The following ANK2 variants were observed in gnomAD, a reference collection of about 807,000 sequenced individuals.
ANK2 encodes the protein ankyrin-2.
ANK2 carries 83 observed loss-of-function variants against 360.5 expected under a neutral mutation model. The ratio of observed to expected loss-of-function variants is 0.23; its 90% CI spans 0.19 to 0.28. The LOEUF (loss-of-function observed/expected upper bound fraction) is 0.28. ANK2 is among the 10% of genes least tolerant of loss of function. The probability of loss-of-function intolerance (pLI) is 1.00; values close to 1 mark genes in which losing one functional copy is unlikely to be tolerated. For synonymous variants in ANK2, 1,740 were observed against 1,759.5 expected (o/e 0.99, Z 0.28); for missense variants, 4,201 against 4,795.7 (o/e 0.88, Z 3.66).
At chr4:113,305,125 G>T (rs1050433109) in intron 23 of ANK2, among the ~76,000 whole-genome samples, 1 of 151,636 alleles carries the variant, frequency 6.6e-6, no homozygotes, top group Admixed American at 6.6e-5. Context: ...CGGATCACGA[G>T]GTCAGGAGAT....
chr4:112,939,356 C>G (rs1342348067), intron 2 of ANK2, among the ~76,000 whole-genome samples: 1 of 152,176 alleles, frequency 6.6e-6, no homozygotes, highest in Non-Finnish European at 1.5e-5. Flanking sequence ...GTTGCCCAGG[C>G]TGGAGTGCAG....
intron 1 of ANK2, among the ~76,000 whole-genome samples, chr4:113,162,765 T>A (rs115261168): frequency 6.6e-6 from 1 of 150,846 alleles, no homozygotes; most frequent in Admixed American, 6.6e-5. Flanking sequence ...CTTCAAAGAT[T>A]ATAAAATCTT....
intron 1 of ANK2, among the ~76,000 whole-genome samples, chr4:112,845,714 G>C (rs2063143317): frequency 6.6e-6 from 1 of 152,198 alleles, no homozygotes; most frequent in African/African-American, 2.4e-5. Flanking sequence ...TTGCCATCAT[G>C]TAATAGAGGC....
the ANK2 span, among the ~76,000 whole-genome samples, chr4:112,706,159 C>T: frequency 6.6e-6 from 1 of 151,736 alleles, no homozygotes; most frequent in African/African-American, 2.4e-5. Flanking sequence ...GCTTCTCCCA[C>T]CTCCCCGGCC....
At chr4:113,375,537 A>G (rs2096893834) in intron 45 of ANK2, among the ~76,000 whole-genome samples, 5 of 152,050 alleles carry the variant, frequency 3.3e-5, no homozygotes, top group Admixed American at 3.3e-4. Context: ...CATCCTGGCT[A>G]ACACGGTGAA....
chr4:113,233,291 C>T (rs904222250), intron 5 of ANK2, among the ~76,000 whole-genome samples: 1 of 149,734 alleles, frequency 6.7e-6, no homozygotes, highest in Non-Finnish European at 1.5e-5. Flanking sequence ...CCCGCCACTA[C>T]GCCCGGCTAA....
intron 4 of ANK2, among the ~76,000 whole-genome samples, chr4:113,213,540 T>C (rs1440682183): frequency 1.3e-5 from 2 of 152,194 alleles, no homozygotes; most frequent in African/African-American, 4.8e-5. Flanking sequence ...TGTTCCCCTA[T>C]AATATAAATC....
At chr4:112,726,490 A>AC in the ANK2 span, among the ~76,000 whole-genome samples, 5 of 150,502 alleles carry the variant, frequency 3.3e-5, no homozygotes, top group African/African-American at 1.2e-4. Context: ...TCTTCTTCCC[A>AC]CCCCCACCTT....
intron 14 of ANK2, among the ~76,000 whole-genome samples, chr4:113,272,656 A>G (rs954290948): frequency 3.3e-5 from 5 of 152,184 alleles, no homozygotes; most frequent in African/African-American, 1.2e-4. Flanking sequence ...AATGCTATAC[A>G]GTCTAAGAAC....
chr4:113,026,235 G>A (rs531293615), intron 2 of ANK2, among the ~76,000 whole-genome samples: 6 of 152,244 alleles, frequency 3.9e-5, no homozygotes, highest in African/African-American at 1.4e-4. Flanking sequence ...GCACAATATT[G>A]ACAGACTGGA....
At chr4:112,765,558 T>C in the ANK2 span, among the ~76,000 whole-genome samples, 1 of 152,198 alleles carries the variant, frequency 6.6e-6, no homozygotes, top group Non-Finnish European at 1.5e-5. Flanking sequence ...AAGATTTCTT[T>C]CTACTCACTT....
intron 2 of ANK2, among the ~76,000 whole-genome samples, chr4:112,987,944 A>G (rs2045502959): frequency 6.6e-6 from 1 of 152,130 alleles, no homozygotes; most frequent in Non-Finnish European, 1.5e-5. Flanking sequence ...ATTAGTGTGC[A>G]ACGGCATAAG....
intron 1 of ANK2, among the ~76,000 whole-genome samples, chr4:113,103,190 A>G (rs1375849155): frequency 6.6e-6 from 1 of 152,184 alleles, no homozygotes; most frequent in African/African-American, 2.4e-5. Context: ...TTGCAACTTA[A>G]TTTGCTATAA....
chr4:113,356,264 A>T lies in ANK2; in HGVS notation c.7646A>T (p.Glu2549Val). Residue 2549 changes from glutamate to valine, a missense_variant, in exon 38 of 46, where the codon GAG becomes GTG. By Grantham distance (121) the Glu-to-Val change is moderately radical. Transcript: ENST00000357077. Reference protein sequence around the residue: ...DTPSSEEVSYEVTPKTTDVST... With the variant: ...DTPSSEEVSYVVTPKTTDVST... ...CCCAGCTCTGAAGAAGTCAGCTATG[A>T]GGTTACACCCAAAACCACAGATGTA... 6.2e-7 allele frequency: 1 copy of T among 1,614,144 alleles called. No individual in the cohort carries two copies. The highest frequency in any genetic ancestry group is 1.1e-5 in the South Asian group (1 of 91,076).
At chr4:112,707,778 C>G in the ANK2 span, among the ~76,000 whole-genome samples, 1 of 152,120 alleles carries the variant, frequency 6.6e-6, no homozygotes, top group African/African-American at 2.4e-5. Context: ...TTTTATTGAT[C>G]TAGCAAAAAT....
chr4:112,983,074 C>T (rs1262835698), intron 2 of ANK2, among the ~76,000 whole-genome samples: 2 of 152,256 alleles, frequency 1.3e-5, no homozygotes, highest in East Asian at 3.9e-4. Flanking sequence ...TTATTTCTCT[C>T]ATTAACTCTT....
the ANK2 span, among the ~76,000 whole-genome samples, chr4:112,783,929 G>A: frequency 2.6e-5 from 4 of 151,974 alleles, no homozygotes; most frequent in Non-Finnish European, 4.4e-5. Flanking sequence ...GATTACAGGC[G>A]TGAGCCACCG....
At chr4:112,942,649 A>G (rs749137772) in intron 2 of ANK2, among the ~76,000 whole-genome samples, 1 of 151,994 alleles carries the variant, frequency 6.6e-6, no homozygotes. Flanking sequence ...GGGATTAAAA[A>G]GATGAAAGCT....
rs17483231 is a variant in ANK2, at chr4:113,378,191, A to C, written c.11860-3266A>C. The C allele has an allele frequency of 0.095, 115,722 of 1,218,422 alleles. 6,092 individuals are homozygous for C. The highest frequency in any genetic ancestry group is 0.13 in the Middle Eastern group (596 of 4,544). 75.5% of individuals were successfully genotyped at this position (1,218,422 alleles called of 1,614,324 possible). On this transcript the variant is annotated intron_variant, in intron 45 of 45. Coordinates refer to ENST00000357077, the MANE Select transcript of ANK2 (RefSeq NM_001148.6). ...GATCAATAATTAAAAGGTTTGGGTT[A>C]GCATGGGGTGATGCTTTGCCAACTA...
Sources: allele counts gnomAD v4.1 joint callset (sites outside exome capture counted in the v4.1 genomes callset), GRCh38; gene constraint gnomAD v4.1.1; transcripts MANE v1.5; gene names NCBI Gene and HGNC (gene_info 2026-07-23, HGNC 2026-07-21).